The following NFATC2 variants were observed in gnomAD, a reference collection of about 807,000 sequenced individuals.
The protein encoded by NFATC2 is nuclear factor of activated T cells 2.
Under a neutral mutation model 87.3 loss-of-function variants are expected in NFATC2, and 22 were observed. That is an observed-to-expected ratio of 0.25 (90% CI 0.18 to 0.36). The LOEUF (loss-of-function observed/expected upper bound fraction) is 0.36, where lower values mean the gene tolerates loss of function less well. Among genes scored for constraint, NFATC2 ranks in the 10% least tolerant of loss-of-function variants. The probability of loss-of-function intolerance (pLI) is 1.00; values close to 1 mark genes in which losing one functional copy is unlikely to be tolerated. For synonymous variants in NFATC2, 565 were observed against 542.2 expected (o/e 1.04, Z -0.58); for missense variants, 1,149 against 1,259.1 (o/e 0.91, Z 1.32).
intron 7 of NFATC2, 104 bp from the exon 8 acceptor site, chr20:51,435,418 G>A (rs1983418444): frequency 3.3e-6 from 5 of 1,504,286 alleles, no homozygotes; most frequent in South Asian, 2.5e-5. Context: ...GTGTTTTGAT[G>A]TGCCTTTCAT....
intron 1 of NFATC2, among the ~76,000 whole-genome samples, chr20:51,561,716 G>A (rs1001732574): frequency 6.6e-6 from 1 of 151,956 alleles, no homozygotes. Context: ...TGGCAGCCAG[G>A]CCCTGCAGCC....
chr20:51,404,818 G>A lies in NFATC2; in HGVS notation c.2723-6088C>T, dbSNP rs147854040. Among the ~76,000 whole-genome samples, 108 of 152,284 alleles carry A rather than the reference G, an allele frequency of 7.1e-4. 1 individual carries two copies. The highest frequency in any genetic ancestry group is 3.4e-3 in the Middle Eastern group (1 of 294). ...TGTGCGCAGACAGCTTTGGGCCGGC[G>A]ACCTGCAGAGCAGCGTGAGTCACTG... On this transcript the variant is annotated intron_variant, in intron 9 of 10. Coordinates refer to ENST00000371564, the MANE Select transcript of NFATC2 (RefSeq NM_012340.5).
intron 8 of NFATC2, among the ~76,000 whole-genome samples, chr20:51,433,759 A>ATGTG (rs59775939): frequency 0.065 from 9,449 of 146,000 alleles, 302 homozygotes; most frequent in African/African-American, 0.082. Flanking sequence ...TCATGCATGC[A>ATGTG]TGTGTGTGTG....
At chr20:51,426,441 G>T (rs1486923134) in intron 9 of NFATC2, among the ~76,000 whole-genome samples, 1 of 151,806 alleles carries the variant, frequency 6.6e-6, no homozygotes, top group Non-Finnish European at 1.5e-5. Context: ...TCATGCCACT[G>T]CACTCCAGCC....
In NFATC2 at chr20:51,390,391, A is replaced by C. The variant is rs1449900704; in HGVS notation, c.*1105T>G. ...CACTTGGGCTGTTTTACTTAACAAA[A>C]ATACCCACACTTCTTTTCTTGGTTG... is the stretch of plus-strand genomic sequence containing the variant. On this transcript the variant is annotated 3_prime_UTR_variant, in exon 11 of 11. Transcript: ENST00000371564. The C allele has an allele frequency of 6.6e-6, 1 of 152,174 alleles. No homozygotes were observed. The highest frequency in any genetic ancestry group is 1.5e-5 in the Non-Finnish European group (1 of 68,018). The allele number at this position is 152,174 out of a possible 1,614,324, so 9.4% of individuals were successfully genotyped here.
chr20:51,557,138 G>A (rs2076985351), intron 1 of NFATC2, among the ~76,000 whole-genome samples: 2 of 152,174 alleles, frequency 1.3e-5, no homozygotes, highest in Admixed American at 6.5e-5. Context: ...CACTCCCCGT[G>A]TTCTCTAAAA....
At chr20:51,506,080 T>C (rs1437721081) in intron 3 of NFATC2, among the ~76,000 whole-genome samples, 1 of 152,310 alleles carries the variant, frequency 6.6e-6, no homozygotes, top group East Asian at 1.9e-4. Context: ...TGAAGAGCAA[T>C]GCAACCTTGA....
At chr20:51,556,545 G>A (rs141009982) in intron 1 of NFATC2, among the ~76,000 whole-genome samples, 152 of 152,294 alleles carry the variant, frequency 1.0e-3, no homozygotes, top group Middle Eastern at 6.8e-3. Context: ...TACCCGGCAC[G>A]TGATAGATCC....
At chr20:51,538,226 A>G (rs1240933648) in intron 1 of NFATC2, among the ~76,000 whole-genome samples, 2 of 152,238 alleles carry the variant, frequency 1.3e-5, no homozygotes, top group African/African-American at 2.4e-5. Context: ...TAAGAAAATA[A>G]TACACCAAGT....
Position 51,421,984 on chromosome 20 carries a change from G to A in NFATC2, c.2722+10083C>T, listed in dbSNP as rs574666681. Among the ~76,000 whole-genome samples, 52 of 152,200 alleles carry A rather than the reference G, an allele frequency of 3.4e-4. No homozygotes were observed. The South Asian group carries it at 3.7e-3, about 11-fold the overall frequency. ...CAACTTCCAGAAATCTATAAGAACC[G>A]GCTGCGGAACATTTCAAAGGCGTCC... On this transcript the variant is annotated intron_variant, in intron 9 of 10. Transcript: ENST00000371564.
intron 9 of NFATC2, among the ~76,000 whole-genome samples, chr20:51,423,405 G>A (rs1427629136): frequency 6.6e-6 from 1 of 152,002 alleles, no homozygotes; most frequent in Admixed American, 6.6e-5. Context: ...TCACCTGAGT[G>A]GCGGCATCAT....
intron 3 of NFATC2, among the ~76,000 whole-genome samples, chr20:51,484,673 C>A (rs1007310269): frequency 6.6e-6 from 1 of 152,248 alleles, no homozygotes; most frequent in African/African-American, 2.4e-5. Context: ...GGGCAATTCT[C>A]CTCCCGGCCC....
chr20:51,471,590 G>C (rs1302966797), intron 5 of NFATC2, among the ~76,000 whole-genome samples: 1 of 152,156 alleles, frequency 6.6e-6, no homozygotes, highest in Non-Finnish European at 1.5e-5. Context: ...AAAGAAATTA[G>C]AGTGACTCTT....
At chr20:51,405,183 C>T (rs2146254172) in intron 9 of NFATC2, among the ~76,000 whole-genome samples, 1 of 152,334 alleles carries the variant, frequency 6.6e-6, no homozygotes, top group East Asian at 1.9e-4. Context: ...CCAGACAGGA[C>T]ATGCCCCCCA....
intron 9 of NFATC2, 172 bp from the exon 10 acceptor site, chr20:51,398,902 C>A (rs1377793201): frequency 1.7e-6 from 1 of 601,092 alleles, no homozygotes; most frequent in East Asian, 2.8e-5. Flanking sequence ...CAGAATTAAC[C>A]CAACACTAGG....
chr20:51,387,735 G>A lies in NFATC2; in HGVS notation c.*3761C>T, dbSNP rs1340345310. 3 of 152,080 alleles carry A rather than the reference G, an allele frequency of 2.0e-5. No individual in the cohort carries two copies. The highest frequency in any genetic ancestry group is 4.4e-5 in the Non-Finnish European group (3 of 68,012). The allele number at this position is 152,080 out of a possible 1,614,324, so 9.4% of individuals were successfully genotyped here. A position where few individuals can be genotyped will look rare whatever the true frequency, so the allele number is the denominator to read the frequency against. ...GGGTCACCGAGCACCTTGCCTCCGG[G>A]AAACAAGTTCGGGAAAGGTTAGCCC... On this transcript the variant is annotated 3_prime_UTR_variant, in exon 11 of 11. Transcript: ENST00000371564.
At chr20:51,456,148 G>A (rs1298908146) in intron 5 of NFATC2, among the ~76,000 whole-genome samples, 1 of 151,464 alleles carries the variant, frequency 6.6e-6, no homozygotes, top group Non-Finnish European at 1.5e-5. Context: ...GGATGGGTGG[G>A]TGGATGAATG....
chr20:51,431,958 C>T (rs60723326), intron 9 of NFATC2, 109 bp downstream of exon 9: 1 of 1,188,750 alleles, frequency 8.4e-7, no homozygotes, highest in African/African-American at 1.5e-5. Flanking sequence ...AATGGGGACA[C>T]TGAGGCCCAA....
intron 1 of NFATC2, among the ~76,000 whole-genome samples, chr20:51,539,137 A>G (rs758216117): frequency 3.3e-5 from 5 of 152,196 alleles, no homozygotes; most frequent in Non-Finnish European, 7.3e-5. Context: ...CGTCTGCTAC[A>G]TGCTAAACTC....
Sources: allele counts gnomAD v4.1 joint callset (sites outside exome capture counted in the v4.1 genomes callset), GRCh38; gene constraint gnomAD v4.1.1; transcripts MANE v1.5; gene names NCBI Gene and HGNC (gene_info 2026-07-23, HGNC 2026-07-21).